Variants in TAS2R1 observed in about 807,000 individuals in gnomAD.
TAS2R1 encodes taste 2 receptor member 1.
For synonymous variants in TAS2R1, 141 were observed against 134.2 expected (o/e 1.05, Z -0.35); for missense variants, 370 against 353.4 (o/e 1.05, Z -0.38).
At chr5:9,789,643 G>C in the TAS2R1 span, among the ~76,000 whole-genome samples, 1 of 152,214 alleles carries the variant, frequency 6.6e-6, no homozygotes, top group African/African-American at 2.4e-5. Context: ...GATCACACCA[G>C]TCTCTCCTTA....
rs749772077 is a variant in TAS2R1, at chr5:9,629,445, G to T, written c.588C>A (p.Leu196=). The stretch of plus-strand genomic sequence containing the variant: ...TGTGCCTCCCCAGAGAGAAAATCAA[G>T]AGCAAAACAGCAAAAAGGAAGATAA... The part of the protein sequence containing the change: ...PLLIFLFAVL[L]LIFSLGRHTR... Residue 196 remains leucine (L), a synonymous_variant, in exon 1 of 1, where the codon CTC becomes CTA. Coordinates refer to ENST00000382492, the MANE Select transcript of TAS2R1 (RefSeq NM_019599.3). 1.9e-6 allele frequency: 3 copies of T among 1,613,980 alleles called. No individual in the cohort carries two copies. In the African/African-American group the frequency reaches 4.0e-5, roughly 22 times the overall value.
chr5:9,754,811 A>G, the TAS2R1 span, among the ~76,000 whole-genome samples: 1 of 152,216 alleles, frequency 6.6e-6, no homozygotes. Context: ...GAAAATGGCC[A>G]TACTGCCCAA....
chr5:9,766,831 G>A, the TAS2R1 span, among the ~76,000 whole-genome samples: 1 of 152,108 alleles, frequency 6.6e-6, no homozygotes, highest in African/African-American at 2.4e-5. Flanking sequence ...AGGGAGGGAG[G>A]TGTGACTCAG....
the TAS2R1 span, among the ~76,000 whole-genome samples, chr5:9,735,591 C>A: frequency 6.6e-6 from 1 of 152,054 alleles, no homozygotes; most frequent in African/African-American, 2.4e-5. Flanking sequence ...AGAAGAGAAA[C>A]TAAGACAACC....
Position 9,628,982 on chromosome 5 carries a change from T to C in TAS2R1, c.*151A>G, listed in dbSNP as rs1374783282. ...AGTTTAACTGCTTGAAAAAGTAGCA[T>C]ATCCACAGAAATACCTCAGGCTGGA... is the stretch of plus-strand genomic sequence containing the variant. On this transcript the variant is annotated 3_prime_UTR_variant, in exon 1 of 1. Transcript: ENST00000382492. 2 of 733,518 alleles carry C rather than the reference T, an allele frequency of 2.7e-6. No individual in the cohort carries two copies. Among genetic ancestry groups the C allele is most frequent in the Admixed American group, 6.4e-5 (2 of 31,374 alleles). 45.4% of individuals were successfully genotyped at this position (733,518 alleles called of 1,614,324 possible).
chr5:9,857,163 A>T, the TAS2R1 span, among the ~76,000 whole-genome samples: 1 of 152,178 alleles, frequency 6.6e-6, no homozygotes, highest in Admixed American at 6.6e-5. Context: ...GAAGGAGGAG[A>T]TGAAGAGAAG....
chr5:9,779,252 G>T, the TAS2R1 span, among the ~76,000 whole-genome samples: 1 of 152,172 alleles, frequency 6.6e-6, no homozygotes, highest in African/African-American at 2.4e-5. Flanking sequence ...CTCCTGCTTA[G>T]CCTTCCACCG....
At chr5:9,672,416 G>A (rs566288327) in intron 1 of TAS2R1, among the ~76,000 whole-genome samples, 6 of 151,592 alleles carry the variant, frequency 4.0e-5, no homozygotes, top group South Asian at 2.1e-4. Flanking sequence ...GAATCTATAC[G>A]GAACTCAAAC....
At chr5:9,651,187 T>C (rs1024126515) in intron 2 of TAS2R1, among the ~76,000 whole-genome samples, 1 of 152,200 alleles carries the variant, frequency 6.6e-6, no homozygotes, top group South Asian at 2.1e-4. Flanking sequence ...AGACAGATGC[T>C]CTCAAGGTGA....
At chr5:9,697,624 A>G (rs1561382163) in intron 1 of TAS2R1, among the ~76,000 whole-genome samples, 1 of 152,184 alleles carries the variant, frequency 6.6e-6, no homozygotes. Flanking sequence ...GAAGATAGAT[A>G]TTTTTGTATG....
rs56665946 is a variant in TAS2R1 at position 9,701,321 on chromosome 5, A to G, written c.-242+10851T>C. Among the ~76,000 whole-genome samples the G allele has an allele frequency of 1.0e-2, 1,511 of 151,630 alleles. 30 individuals carry two copies. Among genetic ancestry groups the G allele is most frequent in the African/African-American group, 0.035 (1,447 of 41,264 alleles). On this transcript the variant is annotated intron_variant, in intron 1 of 2. Coordinates refer to the TAS2R1 transcript ENST00000506620. ...GTTTCTTCCCGGACCCCTCCTTCCA[A>G]TGAAATTCCTTCTCTTTACCCATCT...
the TAS2R1 span, among the ~76,000 whole-genome samples, chr5:9,788,076 C>A: frequency 6.6e-6 from 1 of 152,162 alleles, no homozygotes; most frequent in African/African-American, 2.4e-5. Context: ...ATGGGGTGTT[C>A]AGCATTCAAA....
At chr5:9,898,961 A>G in the TAS2R1 span, among the ~76,000 whole-genome samples, 2 of 152,182 alleles carry the variant, frequency 1.3e-5, no homozygotes, top group African/African-American at 2.4e-5. Flanking sequence ...TGAAGACGGG[A>G]AGTGGACATG....
At chr5:9,893,172 C>T in the TAS2R1 span, among the ~76,000 whole-genome samples, 14,266 of 151,862 alleles carry the variant, frequency 0.094, 672 homozygotes, top group African/African-American at 0.098. Context: ...TCCTTCTTCC[C>T]CTACAAATAT....
chr5:9,674,000 A>T, intron 1 of TAS2R1, among the ~76,000 whole-genome samples: 1 of 152,148 alleles, frequency 6.6e-6, no homozygotes, highest in East Asian at 1.9e-4. Context: ...CTCTGCTGAA[A>T]TTTTTTCATG....
intron 1 of TAS2R1, among the ~76,000 whole-genome samples, chr5:9,681,289 C>T (rs1023044651): frequency 1.3e-5 from 2 of 151,578 alleles, no homozygotes; most frequent in Admixed American, 6.6e-5. Context: ...GGGTGTGGGG[C>T]ATATGGGGAC....
At chr5:9,804,834 C>G in the TAS2R1 span, among the ~76,000 whole-genome samples, 2 of 151,920 alleles carry the variant, frequency 1.3e-5, no homozygotes, top group African/African-American at 4.8e-5. Context: ...CCTCATGGAA[C>G]TACGGAAACA....
chr5:9,894,793 C>A, the TAS2R1 span, among the ~76,000 whole-genome samples: 2 of 152,226 alleles, frequency 1.3e-5, no homozygotes, highest in Admixed American at 6.5e-5. Flanking sequence ...GCAGGTGAAA[C>A]CACTTCACAG....
intron 2 of TAS2R1, among the ~76,000 whole-genome samples, chr5:9,640,977 A>G (rs1740070975): frequency 6.6e-6 from 1 of 152,224 alleles, no homozygotes; most frequent in Non-Finnish European, 1.5e-5. Context: ...TCATATTGCC[A>G]TGACATTTCT....
Sources: gnomAD v4.1 joint callset for allele counts (sites outside exome capture counted in the v4.1 genomes callset) on GRCh38, gnomAD v4.1.1 for gene constraint, MANE v1.5 for transcripts, NCBI Gene and HGNC (gene_info 2026-07-23, HGNC 2026-07-21) for gene names.